Variants in MED31 observed in about 807,000 individuals in gnomAD.
MED31 encodes the protein mediator complex subunit 31, also known as mediator of RNA polymerase II transcription subunit 31.
A neutral mutation model predicts 22.0 loss-of-function variants in MED31; 11 were observed. The ratio of observed to expected loss-of-function variants is 0.50; its 90% confidence interval spans 0.31 to 0.83. The LOEUF (loss-of-function observed/expected upper bound fraction) is 0.83. Ranked by LOEUF, MED31 falls within the 40% of genes least tolerant of loss-of-function variation. MED31 has a pLI of 0.04. For synonymous variants in MED31, 60 were observed against 55.1 expected (o/e 1.09, Z -0.40); for missense variants, 122 against 155.3 (o/e 0.79, Z 1.14).
At chr17:6,646,926 G>A (rs181219455) in intron 3 of MED31, among the ~76,000 whole-genome samples, 6 of 152,238 alleles carry the variant, frequency 3.9e-5, no homozygotes, top group South Asian at 2.1e-4. Flanking sequence ...ATTCCCATTC[G>A]TTCTATTCTG....
At chr17:6,647,463 A>G (rs529087404) in intron 3 of MED31, among the ~76,000 whole-genome samples, 200 of 152,358 alleles carry the variant, frequency 1.3e-3, no homozygotes, top group Non-Finnish European at 2.2e-3. Context: ...TAATGTGTAT[A>G]TGGGTCACTT....
chr17:6,648,167 T>C (rs1030583647), intron 3 of MED31, among the ~76,000 whole-genome samples: 1 of 152,220 alleles, frequency 6.6e-6, no homozygotes. Flanking sequence ...AACAGAGGTG[T>C]ATGACCACAT....
chr17:6,645,489 G>C (rs1196970846), intron 3 of MED31, among the ~76,000 whole-genome samples: 2 of 152,118 alleles, frequency 1.3e-5, no homozygotes, highest in Non-Finnish European at 2.9e-5. Context: ...TCAGGGATAA[G>C]ACAGGAAAAG....
In MED31 at chr17:6,644,643, G is replaced by C; in HGVS notation, c.220C>G (p.His74Asp). ...TCATATTGGAGCAGCTCTAACATGT[G>C]TAAACACTGAGGGTACCTGGGTTTA... ...AKYLKYPQCLHMLELLQYEHF... is the reference protein window; with the variant it reads ...AKYLKYPQCLDMLELLQYEHF... Residue 74 changes from histidine to aspartate, a missense_variant, in exon 4 of 4, where the codon CAC becomes GAC. Coordinates refer to ENST00000225728, the MANE Select transcript of MED31 (RefSeq NM_016060.3). 4 of 1,587,978 alleles carry C rather than the reference G, an allele frequency of 2.5e-6. No homozygotes were observed. The highest frequency in any genetic ancestry group is 3.4e-6 in the Non-Finnish European group (4 of 1,169,630).
At chr17:6,649,119 C>T (rs939047503) in intron 3 of MED31, among the ~76,000 whole-genome samples, 2 of 132,884 alleles carry the variant, frequency 1.5e-5, no homozygotes, top group African/African-American at 5.8e-5. Context: ...AAACATTTTC[C>T]TCTCAAACTT....
chr17:6,648,110 T>C (rs1224298022), intron 3 of MED31, among the ~76,000 whole-genome samples: 1 of 152,256 alleles, frequency 6.6e-6, no homozygotes, highest in Non-Finnish European at 1.5e-5. Flanking sequence ...AATGTGATCC[T>C]CTTCCCCACT....
chr17:6,651,471 C>T (rs1166273385), intron 1 of MED31, 30 bp downstream of exon 1: 1 of 1,613,976 alleles, frequency 6.2e-7, no homozygotes, highest in Non-Finnish European at 8.5e-7. Flanking sequence ...GTTCCATCTG[C>T]GAAGACTCCA....
At chr17:6,648,696 G>A (rs1385851742) in intron 3 of MED31, among the ~76,000 whole-genome samples, 1 of 152,240 alleles carries the variant, frequency 6.6e-6, no homozygotes, top group African/African-American at 2.4e-5. Flanking sequence ...CCTCAAGAGG[G>A]TATAGAATGG....
chr17:6,644,757 C>G lies in MED31; in HGVS notation c.204-98G>C, dbSNP rs990309571. 10 of 1,350,404 alleles carry G rather than the reference C, an allele frequency of 7.4e-6. No homozygotes were observed. The African/African-American group carries it at 1.5e-4, about 20-fold the overall frequency. 83.7% of individuals were successfully genotyped at this position (1,350,404 alleles called of 1,614,324 possible). A position where few individuals can be genotyped will look rare whatever the true frequency, so the allele number is the denominator to read the frequency against. On this transcript the variant is annotated intron_variant, in intron 3 of 3. Coordinates refer to ENST00000225728, the MANE Select transcript of MED31 (RefSeq NM_016060.3). ...TCTTAAAAACGATCTTGTAGCCTAC[C>G]ATTTCTATAACAGTAACTTAGTACA... is the stretch of plus-strand genomic sequence containing the variant.
intron 3 of MED31, among the ~76,000 whole-genome samples, chr17:6,645,557 G>A (rs770540425): frequency 7.9e-5 from 12 of 152,162 alleles, no homozygotes; most frequent in Non-Finnish European, 1.5e-4. Flanking sequence ...AAAAATTCCT[G>A]GGAGGATCAA....
Position 6,650,081 on chromosome 17 carries a change from G to GA in MED31, c.107-4dup, listed in dbSNP as rs1972813674. 1 of 1,581,418 alleles carries GA rather than the reference G, an allele frequency of 6.3e-7. No individual in the cohort carries two copies. Among genetic ancestry groups the GA allele is most frequent in the Non-Finnish European group, 8.5e-7 (1 of 1,171,452 alleles). ...GAAGTAACCTCTTTGGGCAAGAACT[G>GA]AAAAGCATTAAAAAAAAAAATCTGT... On this transcript the variant is annotated splice_polypyrimidine_tract_variant and splice_region_variant and intron_variant, in intron 2 of 3. Transcript: ENST00000225728.
rs1292604618 is a variant in MED31 at position 6,651,496 on chromosome 17, C to G, written c.28+5G>C. 5.6e-6 allele frequency: 9 copies of G among 1,614,058 alleles called. No homozygotes were observed. Among genetic ancestry groups the G allele is most frequent in the Admixed American group, 3.3e-5 (2 of 60,002 alleles). On this transcript the variant is annotated splice_donor_5th_base_variant and intron_variant, in intron 1 of 3. Transcript: ENST00000225728. The stretch of plus-strand genomic sequence containing the variant: ...CGAAGACTCCAAGATCAGAGAGCTA[C>G]TCACCTGTCTCCATAGCGACAGCAG...
At chr17:6,646,592 A>AAT (rs1331311262) in intron 3 of MED31, among the ~76,000 whole-genome samples, 2 of 152,232 alleles carry the variant, frequency 1.3e-5, no homozygotes, top group African/African-American at 4.8e-5. Context: ...CCTTGTTAAC[A>AAT]ATATGTTTGC....
intron 3 of MED31, among the ~76,000 whole-genome samples, chr17:6,648,090 G>A (rs1228382160): frequency 6.6e-6 from 1 of 152,218 alleles, no homozygotes; most frequent in Non-Finnish European, 1.5e-5. Context: ...AATGCTTCCA[G>A]CAAGTCAACA....
intron 3 of MED31, among the ~76,000 whole-genome samples, chr17:6,646,355 CAATT>C (rs1314210344): frequency 1.3e-5 from 2 of 152,242 alleles, no homozygotes; most frequent in East Asian, 3.9e-4. Context: ...AGCTAACAGA[CAATT>C]AAAATACATT....
At chr17:6,649,927 A>T (rs1972811180) in intron 3 of MED31, 55 bp downstream of exon 3, 1 of 1,433,998 alleles carries the variant, frequency 7.0e-7, no homozygotes, top group Non-Finnish European at 9.2e-7. Flanking sequence ...GAAACTAAGA[A>T]ATCTATTATA....
Position 6,650,045 on chromosome 17 carries a change from G to C in MED31, c.140C>G (p.Ala47Gly). The stretch of plus-strand genomic sequence containing the variant: ...CAAGTATTTAAGATAATTAACAAAA[G>C]CTTTGTCTTTGAAGTAACCTCTTTG... ...LAQRGYFKDKAFVNYLKYLLY... is the reference protein window; with the variant it reads ...LAQRGYFKDKGFVNYLKYLLY... The change falls in exon 3 of 4, where the codon GCT (alanine) becomes GGT (glycine). Residue 47 changes from alanine (A) to glycine (G), a missense_variant. Coordinates refer to ENST00000225728, the MANE Select transcript of MED31 (RefSeq NM_016060.3). 1 of 1,602,838 alleles carries C rather than the reference G, an allele frequency of 6.2e-7. No homozygotes were observed. Among genetic ancestry groups the C allele is most frequent in the East Asian group, 2.2e-5 (1 of 44,734 alleles).
In MED31 at chr17:6,643,637, A is replaced by C. The variant is rs536844642; in HGVS notation, c.*830T>G. On this transcript the variant is annotated 3_prime_UTR_variant, in exon 4 of 4. Coordinates refer to ENST00000225728, the MANE Select transcript of MED31 (RefSeq NM_016060.3). ...TCCAAGCTGGGAGTCAGTCACACTGACTCTACCACTTACTAGCTGTGTAAC... is the reference window on the plus strand; with the variant it reads ...TCCAAGCTGGGAGTCAGTCACACTGCCTCTACCACTTACTAGCTGTGTAAC... The C allele has an allele frequency of 6.5e-6, 1 of 153,278 alleles. No individual in the cohort carries two copies. Among genetic ancestry groups the C allele is most frequent in the South Asian group, 2.1e-4 (1 of 4,834 alleles). The allele number at this position is 153,278 out of a possible 1,614,324, so 9.5% of individuals were successfully genotyped here.
At position 6,650,063 on chromosome 17, in the gene MED31, C is replaced by T; in HGVS notation, c.122G>A (p.Gly41Asp). The change falls in exon 3 of 4, where the codon GGT becomes GAT. Residue 41 changes from glycine (G) to aspartate (D), a missense_variant. By Grantham distance (94) the Gly-to-Asp change is moderately conservative. Coordinates refer to ENST00000225728, the MANE Select transcript of MED31 (RefSeq NM_016060.3). Reference protein sequence around the residue: ...PNYLNFLAQRGYFKDKAFVNY... With the variant: ...PNYLNFLAQRDYFKDKAFVNY... Reference sequence around the variant, plus strand: ...AACAAAAGCTTTGTCTTTGAAGTAACCTCTTTGGGCAAGAACTGAAAAGCA... The same window carrying T: ...AACAAAAGCTTTGTCTTTGAAGTAATCTCTTTGGGCAAGAACTGAAAAGCA... The T allele has an allele frequency of 6.3e-7, 1 of 1,595,612 alleles. No individual in the cohort carries two copies. The highest frequency in any genetic ancestry group is 8.5e-7 in the Non-Finnish European group (1 of 1,175,354).
Sources: gnomAD v4.1 joint callset for allele counts (sites outside exome capture counted in the v4.1 genomes callset) on GRCh38, gnomAD v4.1.1 for gene constraint, MANE v1.5 for transcripts, NCBI Gene and HGNC (gene_info 2026-07-23, HGNC 2026-07-21) for gene names.